Variants in DAZL observed in about 807,000 individuals in gnomAD.
DAZL encodes deleted in azoospermia like, also known as deleted in azoospermia-like.
A neutral mutation model predicts 45.0 loss-of-function variants in DAZL; 4 were observed. That is an observed-to-expected ratio of 0.09 (90% CI 0.04 to 0.20). The LOEUF (loss-of-function observed/expected upper bound fraction) is 0.20. DAZL is among the 10% of genes least tolerant of loss of function. The pLI is 1.00. For synonymous variants in DAZL, 122 were observed against 112.4 expected, an observed-to-expected ratio of 1.09 and a Z score of -0.54; for missense variants, 326 against 351.3, an observed-to-expected ratio of 0.93 and a Z score of 0.58.
Position 16,605,346 on chromosome 3 carries a change from A to C in DAZL, c.-141T>G. On this transcript the variant is annotated 5_prime_UTR_variant, in exon 1 of 11. Transcript: ENST00000399444. Reference sequence around the variant, plus strand: ...GTCAAAGGAGCCAAAGATGAAGAGAAAAGGAAAACCAAGAGCGGGTGACAA... The same window carrying C: ...GTCAAAGGAGCCAAAGATGAAGAGACAAGGAAAACCAAGAGCGGGTGACAA... The C allele has an allele frequency of 1.9e-6, 2 of 1,054,550 alleles. No homozygotes were observed. The highest frequency in any genetic ancestry group is 3.0e-6 in the Non-Finnish European group (2 of 674,766). The allele number at this position is 1,054,550 out of a possible 1,614,324, so 65.3% of individuals were successfully genotyped here. A position where few individuals can be genotyped will look rare whatever the true frequency, so the allele number is the denominator to read the frequency against.
intron 1 of DAZL, among the ~76,000 whole-genome samples, chr3:16,603,539 G>A (rs779879403): frequency 6.8e-5 from 10 of 146,860 alleles, no homozygotes; most frequent in Non-Finnish European, 1.3e-4. Flanking sequence ...TAGCGATGGG[G>A]TTTCGCCGTA....
Position 16,588,253 on chromosome 3 carries a change from A to T in DAZL, c.*407T>A, listed in dbSNP as rs1694467249. On this transcript the variant is annotated 3_prime_UTR_variant, in exon 11 of 11. Coordinates refer to ENST00000399444, the MANE Select transcript of DAZL (RefSeq NM_001351.4). ...CATAAATGCAAAGCTCAATACTGTA[A>T]ATACTGTACTGTTCACAGGTACTTG... 5.1e-6 allele frequency: 1 copy of T among 195,778 alleles called. No homozygotes were observed. The highest frequency in any genetic ancestry group is 2.4e-5 in the African/African-American group (1 of 42,360). 12.1% of individuals were successfully genotyped at this position (195,778 alleles called of 1,614,324 possible).
intron 1 of DAZL, among the ~76,000 whole-genome samples, chr3:16,601,849 CAAAGACAGCTA>C (rs1559405005): frequency 6.6e-6 from 1 of 152,090 alleles, no homozygotes. Flanking sequence ...AACCAAGTGA[CAAAGACAGCTA>C]AAAGCTGGAA....
chr3:16,605,390 G>C lies in DAZL; in HGVS notation c.-185C>G. On this transcript the variant is annotated 5_prime_UTR_variant, in exon 1 of 11. Coordinates refer to ENST00000399444, the MANE Select transcript of DAZL (RefSeq NM_001351.4). ...GTGACAAGGCTGAGGAGCCCCGAAAGGCGGACCGTCAGGCTGAGGAGCGCA... is the reference window on the plus strand; with the variant it reads ...GTGACAAGGCTGAGGAGCCCCGAAACGCGGACCGTCAGGCTGAGGAGCGCA... 2 of 727,070 alleles carry C rather than the reference G, an allele frequency of 2.8e-6. No individual in the cohort carries two copies. Among genetic ancestry groups the C allele is most frequent in the South Asian group, 1.6e-5 (1 of 61,864 alleles). 45.0% of individuals were successfully genotyped at this position (727,070 alleles called of 1,614,324 possible).
rs768230156 is a variant in DAZL, at chr3:16,596,989, T to A, written c.357A>T (p.Leu119Phe). The A allele has an allele frequency of 3.1e-6, 5 of 1,612,740 alleles. No individual in the cohort carries two copies. In the East Asian group the frequency reaches 1.1e-4, roughly 36 times the overall value. ...AGAACAATTTCTTTTTGTACTCACA[T>A]AAATTTTGTTTCCTGATTGCAGGGC... is the stretch of plus-strand genomic sequence containing the variant. ...KLGPAIRKQN[L>F]CAYHVQPRPL... The change falls in exon 5 of 11, where the codon TTA (leucine) becomes TTT (phenylalanine). Residue 119 changes from leucine (L) to phenylalanine (F), a missense_variant and splice_region_variant. This residue lies in a region of DAZL where 227 missense variants were observed against 216.6 expected (regional missense o/e 1.05). Coordinates refer to ENST00000399444, the MANE Select transcript of DAZL (RefSeq NM_001351.4).
In DAZL at chr3:16,593,785, G is replaced by C; in HGVS notation, c.622-17C>G. On this transcript the variant is annotated splice_polypyrimidine_tract_variant and intron_variant, in intron 8 of 10. Transcript: ENST00000399444. ...TGAATAAGCCTATATTTAAAATAAT[G>C]AAAGTGTAATTAAACAGATATACAG... 1 of 1,514,470 alleles carries C rather than the reference G, an allele frequency of 6.6e-7. No individual in the cohort carries two copies. The highest frequency in any genetic ancestry group is 9.1e-7 in the Non-Finnish European group (1 of 1,093,002). The allele number at this position is 1,514,470 out of a possible 1,614,324, so 93.8% of individuals were successfully genotyped here. A position where few individuals can be genotyped will look rare whatever the true frequency, so the allele number is the denominator to read the frequency against.
In DAZL at chr3:16,591,147, C is replaced by A. The variant is rs541231377; in HGVS notation, c.834+903G>T. Among the ~76,000 whole-genome samples, 11 of 152,222 alleles carry A rather than the reference C, an allele frequency of 7.2e-5. 1 individual carries two copies. In the East Asian group the frequency reaches 1.2e-3, roughly 16 times the overall value. On this transcript the variant is annotated intron_variant, in intron 10 of 10. Coordinates refer to ENST00000399444, the MANE Select transcript of DAZL (RefSeq NM_001351.4). ...TCATAGACTTAGAACTACAGGGACC[C>A]AGAAACCTTTAGTCCTGTACCTTCT...
chr3:16,605,175 T>A, intron 1 of DAZL, 28 bp downstream of exon 1: 1 of 1,614,104 alleles, frequency 6.2e-7, no homozygotes, highest in Non-Finnish European at 8.5e-7. Flanking sequence ...CCGCCAGCCT[T>A]GCCCCTCGGG....
chr3:16,599,018 G>A (rs571350645), intron 1 of DAZL, among the ~76,000 whole-genome samples: 3 of 152,074 alleles, frequency 2.0e-5, no homozygotes, highest in African/African-American at 7.2e-5. Context: ...CCCGACCTCA[G>A]GTGATCCACC....
intron 1 of DAZL, among the ~76,000 whole-genome samples, chr3:16,599,549 T>G (rs1694651580): frequency 6.6e-6 from 1 of 152,192 alleles, no homozygotes; most frequent in Non-Finnish European, 1.5e-5. Flanking sequence ...TTCAAATCAT[T>G]TTTTGAAATA....
chr3:16,594,817 T>C (rs1288015519), intron 7 of DAZL, among the ~76,000 whole-genome samples: 1 of 152,128 alleles, frequency 6.6e-6, no homozygotes, highest in Non-Finnish European at 1.5e-5. Context: ...TGTGGAAATC[T>C]CAGAGATATT....
chr3:16,600,551 A>G (rs1694674968), intron 1 of DAZL, among the ~76,000 whole-genome samples: 1 of 152,212 alleles, frequency 6.6e-6, no homozygotes, highest in Non-Finnish European at 1.5e-5. Flanking sequence ...AATGACATTA[A>G]GCTGCGTATC....
rs577644832 is a variant in DAZL, at chr3:16,587,362, T to C, written c.*1298A>G. On this transcript the variant is annotated 3_prime_UTR_variant, in exon 11 of 11. Transcript: ENST00000399444. ...TCCATGGCAGATCAAATGGTACTGA[T>C]ACAACTTTTTCCCTTAGAAAGGTAT... The C allele has an allele frequency of 3.9e-5, 6 of 152,460 alleles. No individual in the cohort carries two copies. The highest frequency in any genetic ancestry group is 9.6e-5 in the African/African-American group (4 of 41,586). The allele number at this position is 152,460 out of a possible 1,614,324, so 9.4% of individuals were successfully genotyped here. A position where few individuals can be genotyped will look rare whatever the true frequency, so the allele number is the denominator to read the frequency against.
At chr3:16,589,714 T>C (rs1694489048) in intron 10 of DAZL, among the ~76,000 whole-genome samples, 1 of 152,012 alleles carries the variant, frequency 6.6e-6, no homozygotes, top group Non-Finnish European at 1.5e-5. Context: ...AGCAGAAAAC[T>C]CTGGGAGTTT....
chr3:16,588,587 T>C lies in DAZL; in HGVS notation c.*73A>G. On this transcript the variant is annotated 3_prime_UTR_variant, in exon 11 of 11. Coordinates refer to ENST00000399444, the MANE Select transcript of DAZL (RefSeq NM_001351.4). ...GTGATTTACCAAAATTCAGAATTTC[T>C]ATAATAGTGGAAACCTTTTAGCTTA... is the stretch of plus-strand genomic sequence containing the variant. 8.3e-7 allele frequency: 1 copy of C among 1,199,810 alleles called. No homozygotes were observed. The highest frequency in any genetic ancestry group is 1.2e-6 in the Non-Finnish European group (1 of 803,750). 74.3% of individuals were successfully genotyped at this position (1,199,810 alleles called of 1,614,324 possible).
rs535152277 is a variant in DAZL, at chr3:16,591,508, C to A, written c.834+542G>T. Among the ~76,000 whole-genome samples the A allele has an allele frequency of 2.8e-4, 43 of 151,384 alleles. No homozygotes were observed. In the South Asian group the frequency reaches 7.3e-3, roughly 26 times the overall value. On this transcript the variant is annotated intron_variant, in intron 10 of 10. Coordinates refer to ENST00000399444, the MANE Select transcript of DAZL (RefSeq NM_001351.4). ...ACAGTGGCACAATCATGGCTCAATG[C>A]AGACTCAACTTCCCAGGCTCAAGCA...
rs1426587625 is a variant in DAZL, at chr3:16,596,770, G to C, written c.478C>G (p.Pro160Ala). The C allele has an allele frequency of 2.5e-6, 4 of 1,613,764 alleles. No homozygotes were observed. Among genetic ancestry groups the C allele is most frequent in the South Asian group, 2.2e-5 (2 of 91,058 alleles). ...TYMQPTTTMN[P>A]ITQYVQAYPT... ...CTTACCTGAACATACTGAGTTATAG[G>C]ATTCATCGTGGTTGTGGGCTGCATA... Residue 160 changes from proline to alanine, a missense_variant, in exon 6 of 11, where the codon CCT (proline) becomes GCT (alanine). Pro to Ala is a conservative substitution (Grantham distance 27). Around this residue, in one of 3 missense-constraint regions of DAZL, gnomAD observed 227 missense variants for 216.6 expected, o/e 1.05. Coordinates refer to ENST00000399444, the MANE Select transcript of DAZL (RefSeq NM_001351.4).
chr3:16,603,646 CATGAT>C (rs773766870), intron 1 of DAZL, among the ~76,000 whole-genome samples: 24 of 152,094 alleles, frequency 1.6e-4, no homozygotes, highest in Non-Finnish European at 3.5e-4. Context: ...GCGCCCAGCC[CATGAT>C]AGTATTGTTT....
At chr3:16,604,932 G>A (rs1694754427) in intron 1 of DAZL, 2 of 677,830 alleles carry the variant, frequency 3.0e-6, no homozygotes, top group Non-Finnish European at 2.5e-6. Flanking sequence ...GAAGGCCGTG[G>A]CCCTTGCACG....
Sources: allele counts gnomAD v4.1 joint callset (sites outside exome capture counted in the v4.1 genomes callset), GRCh38; gene constraint gnomAD v4.1.1; regional missense constraint gnomAD v4.1.1; transcripts MANE v1.5; gene names NCBI Gene and HGNC (gene_info 2026-07-23, HGNC 2026-07-21).